Variants in RSRC1 observed in about 807,000 individuals in gnomAD.
The protein encoded by RSRC1 is serine/Arginine-related protein 53.
A neutral mutation model predicts 49.1 loss-of-function variants in RSRC1; 39 were observed. The observed-to-expected ratio is 0.79, with a 90% CI of 0.61 to 1.04. The LOEUF (loss-of-function observed/expected upper bound fraction) is 1.04. RSRC1 is among the 50% of genes least tolerant of loss of function. RSRC1 has a pLI of 0.00. For missense variants in RSRC1, 388 were observed against 402.4 expected, an observed-to-expected ratio of 0.96 and a Z score of 0.31; for synonymous variants, 143 against 130.8, an observed-to-expected ratio of 1.09 and a Z score of -0.63.
At chr3:158,518,120 GTGTGTGTATATA>G (rs1353558983) in intron 7 of RSRC1, among the ~76,000 whole-genome samples, 2,005 of 66,092 alleles carry the variant, frequency 0.03, 35 homozygotes, top group Non-Finnish European at 0.046. Context: ...GTGTGTGTGT[GTGTGTGTATATA>G]TATATATATA....
chr3:158,416,704 A>G (rs1325978025), intron 6 of RSRC1, among the ~76,000 whole-genome samples: 1 of 152,116 alleles, frequency 6.6e-6, no homozygotes, highest in South Asian at 2.1e-4. Context: ...TTTATAAGCA[A>G]ACTTAATAAT....
At chr3:158,171,610 G>A (rs1034069404) in intron 3 of RSRC1, among the ~76,000 whole-genome samples, 9 of 152,064 alleles carry the variant, frequency 5.9e-5, no homozygotes, top group Admixed American at 3.9e-4. Context: ...TACAAAGAAT[G>A]GGCTCAGTAT....
chr3:158,387,650 T>C (rs1733037676), intron 6 of RSRC1, among the ~76,000 whole-genome samples: 3 of 152,180 alleles, frequency 2.0e-5, no homozygotes, highest in Non-Finnish European at 4.4e-5. Context: ...GGAAAAACTG[T>C]AAATCCTTAC....
intron 4 of RSRC1, among the ~76,000 whole-genome samples, chr3:158,212,588 A>C (rs1481792624): frequency 6.6e-6 from 1 of 151,810 alleles, no homozygotes; most frequent in Non-Finnish European, 1.5e-5. Context: ...TATTCTGTTG[A>C]TTTTGTATAT....
chr3:158,307,140 G>T (rs1193514), intron 5 of RSRC1, among the ~76,000 whole-genome samples: 72,314 of 150,524 alleles, frequency 0.48, 17,951 homozygotes, highest in East Asian at 0.64. Context: ...AGGTTTGTTT[G>T]TTTTTTTTAC....
chr3:158,140,780 G>C (rs1716695779), intron 3 of RSRC1, among the ~76,000 whole-genome samples: 1 of 152,160 alleles, frequency 6.6e-6, no homozygotes, highest in Non-Finnish European at 1.5e-5. Context: ...TGTAGCCTTT[G>C]TGATATTGGG....
rs145689408 is a variant in RSRC1, at chr3:158,203,470, T to C, written c.494+225T>C. 1.3e-3 allele frequency among the ~76,000 whole-genome samples: 197 copies of C among 152,284 alleles called. 1 individual carries two copies. The highest frequency in any genetic ancestry group is 4.5e-3 in the African/African-American group (189 of 41,564). The stretch of plus-strand genomic sequence containing the variant: ...TTTCATTTCTATTTTTATTTAATAA[T>C]AATATAACAATATTGGAATCAATAT... On this transcript the variant is annotated intron_variant, in intron 4 of 9. Transcript: ENST00000611884.
At chr3:158,385,915 A>T (rs899584407) in intron 6 of RSRC1, among the ~76,000 whole-genome samples, 1 of 152,146 alleles carries the variant, frequency 6.6e-6, no homozygotes, top group African/African-American at 2.4e-5. Flanking sequence ...TGTCGTTATC[A>T]TAGAAAACTC....
At chr3:158,409,237 A>T (rs1262119436) in intron 6 of RSRC1, among the ~76,000 whole-genome samples, 1 of 152,100 alleles carries the variant, frequency 6.6e-6, no homozygotes, top group Admixed American at 6.6e-5. Flanking sequence ...CCCCCAGGAC[A>T]CAAGTTTGCC....
At chr3:158,501,588 T>TGTC (rs1739600270) in intron 7 of RSRC1, among the ~76,000 whole-genome samples, 1 of 152,184 alleles carries the variant, frequency 6.6e-6, no homozygotes, top group African/African-American at 2.4e-5. Flanking sequence ...CAAGGCCTTT[T>TGTC]GTCGTTATAT....
intron 6 of RSRC1, among the ~76,000 whole-genome samples, chr3:158,376,190 G>GTTTTTT (rs760919300): frequency 1.4e-5 from 1 of 71,408 alleles, no homozygotes; most frequent in African/African-American, 5.6e-5. Flanking sequence ...CCTTCCTTTC[G>GTTTTTT]TTTTTTTTTT....
rs548805503 is a variant in RSRC1 at position 158,131,783 on chromosome 3, G to T, written c.320+7792G>T. On this transcript the variant is annotated intron_variant, in intron 3 of 9. Coordinates refer to ENST00000611884, the MANE Select transcript of RSRC1 (RefSeq NM_001271838.2). ...CAAGTGTAAAGGGTGTTAGGGAAGA[G>T]ATCAATTATTGTATATTAGAGAAAA... is the stretch of plus-strand genomic sequence containing the variant. Among the ~76,000 whole-genome samples, 5 of 152,186 alleles carry T rather than the reference G, an allele frequency of 3.3e-5. No homozygotes were observed. In the East Asian group the frequency reaches 9.7e-4, roughly 29 times the overall value.
chr3:158,110,695 T>A (rs548356728), intron 1 of RSRC1: 4 of 152,636 alleles, frequency 2.6e-5, no homozygotes, highest in African/African-American at 9.6e-5. Flanking sequence ...TCTTTCTGAT[T>A]CCGCCCTACC....
chr3:158,315,554 A>C (rs1445791914), intron 5 of RSRC1, among the ~76,000 whole-genome samples: 2 of 152,214 alleles, frequency 1.3e-5, no homozygotes, highest in African/African-American at 4.8e-5. Flanking sequence ...CCATGATTTT[A>C]GTATACTAAA....
intron 6 of RSRC1, among the ~76,000 whole-genome samples, chr3:158,371,388 T>C (rs1352957704): frequency 6.6e-6 from 1 of 151,814 alleles, no homozygotes; most frequent in East Asian, 1.9e-4. Flanking sequence ...TACCCCTTTT[T>C]TGTGAACCCA....
chr3:158,160,675 A>C (rs889502826), intron 3 of RSRC1, among the ~76,000 whole-genome samples: 3 of 152,196 alleles, frequency 2.0e-5, no homozygotes, highest in Non-Finnish European at 4.4e-5. Flanking sequence ...TTAGTTTAAA[A>C]AAGTGGGATT....
chr3:158,518,298 T>C (rs146077674), intron 7 of RSRC1, among the ~76,000 whole-genome samples: 19 of 150,804 alleles, frequency 1.3e-4, no homozygotes, highest in Admixed American at 1.2e-3. Flanking sequence ...TCAGTTTGTG[T>C]AACATCAAAA....
intron 6 of RSRC1, among the ~76,000 whole-genome samples, chr3:158,451,656 A>G (rs1369388070): frequency 2.6e-5 from 4 of 152,102 alleles, no homozygotes; most frequent in Non-Finnish European, 5.9e-5. Flanking sequence ...CACATAGCAT[A>G]CAAACTCATA....
At chr3:158,171,389 ACAAT>A (rs1210095046) in intron 3 of RSRC1, among the ~76,000 whole-genome samples, 1 of 152,218 alleles carries the variant, frequency 6.6e-6, no homozygotes, top group African/African-American at 2.4e-5. Context: ...AAGGGAAAAG[ACAAT>A]CAACAGATGG....
Sources: gnomAD v4.1 joint callset for allele counts (sites outside exome capture counted in the v4.1 genomes callset) on GRCh38, gnomAD v4.1.1 for gene constraint, MANE v1.5 for transcripts, NCBI Gene and HGNC (gene_info 2026-07-23, HGNC 2026-07-21) for gene names.